The following BACH2 variants were observed in gnomAD, a reference collection of about 807,000 sequenced individuals.
The protein encoded by BACH2 is BACH transcriptional regulator 2.
BACH2 carries 5 observed loss-of-function variants against 61.8 expected under a neutral mutation model. The observed-to-expected ratio is 0.08, with a 90% CI of 0.04 to 0.17. BACH2 has a LOEUF of 0.17. Among genes scored for constraint, BACH2 ranks in the 10% least tolerant of loss-of-function variants. The probability of loss-of-function intolerance (pLI) is 1.00; values close to 1 mark genes in which losing one functional copy is unlikely to be tolerated. For synonymous variants in BACH2, 446 were observed against 440.1 expected (o/e 1.01, Z -0.17); for missense variants, 824 against 1,091.1 (o/e 0.76, Z 3.45).
intron 4 of BACH2, among the ~76,000 whole-genome samples, chr6:90,153,820 G>A (rs1371936078): frequency 6.6e-6 from 1 of 152,130 alleles, no homozygotes; most frequent in East Asian, 1.9e-4. Context: ...CCTAACCAGT[G>A]GGGTACATTT....
chr6:90,291,477 G>T, intron 1 of BACH2, among the ~76,000 whole-genome samples: 1 of 145,496 alleles, frequency 6.9e-6, no homozygotes, highest in African/African-American at 2.5e-5. Context: ...TTAAGTTTCA[G>T]TTTTAGATAG....
chr6:90,206,307 C>A (rs1275612500), intron 4 of BACH2, among the ~76,000 whole-genome samples: 1 of 152,112 alleles, frequency 6.6e-6, no homozygotes, highest in Non-Finnish European at 1.5e-5. Context: ...AATATTCATG[C>A]CAAGGCAGTT....
In BACH2 at chr6:90,147,548, C is replaced by G. The variant is rs140029381; in HGVS notation, c.-161-58439G>C. On this transcript the variant is annotated intron_variant, in intron 4 of 8. Transcript: ENST00000257749. ...CAGTAGTTTCATTGTCTAGAAGGAG[C>G]AAGGCCAACCCACCTAGTCTTCTTC... Among the ~76,000 whole-genome samples, 7 of 152,272 alleles carry G rather than the reference C, an allele frequency of 4.6e-5. No homozygotes were observed. In the East Asian group the frequency reaches 1.4e-3, roughly 29 times the overall value.
At chr6:90,052,096 T>C (rs1780073638) in intron 5 of BACH2, among the ~76,000 whole-genome samples, 1 of 152,208 alleles carries the variant, frequency 6.6e-6, no homozygotes, top group South Asian at 2.1e-4. Context: ...AGACTTGTTT[T>C]AGGGGCATAG....
At chr6:90,278,126 T>C (rs1771750992) in intron 1 of BACH2, among the ~76,000 whole-genome samples, 1 of 152,212 alleles carries the variant, frequency 6.6e-6, no homozygotes. Context: ...TCAAGATACA[T>C]AATATTATAG....
intron 4 of BACH2, among the ~76,000 whole-genome samples, chr6:90,099,339 C>T (rs1321125569): frequency 6.6e-6 from 1 of 152,200 alleles, no homozygotes; most frequent in Non-Finnish European, 1.5e-5. Flanking sequence ...GGCTCAGTTT[C>T]CTGATGTGAA....
At chr6:90,014,468 ATTTT>A (rs1164045089) in intron 5 of BACH2, among the ~76,000 whole-genome samples, 92 of 32,228 alleles carry the variant, frequency 2.9e-3, no homozygotes, top group African/African-American at 0.017. Flanking sequence ...ATATATATAT[ATTTT>A]TTTTTTTTTT....
At chr6:90,128,090 C>T (rs1409910811) in intron 4 of BACH2, among the ~76,000 whole-genome samples, 4 of 152,162 alleles carry the variant, frequency 2.6e-5, no homozygotes, top group Admixed American at 2.6e-4. Context: ...GCTCTTCTGG[C>T]TTTGCCCCTT....
chr6:90,267,106 T>C (rs905838180), intron 2 of BACH2, among the ~76,000 whole-genome samples: 2 of 151,652 alleles, frequency 1.3e-5, no homozygotes, highest in African/African-American at 4.8e-5. Context: ...AACTAAGACA[T>C]CTCCCCCCCA....
chr6:90,209,577 C>T (rs1769272378), intron 3 of BACH2, among the ~76,000 whole-genome samples: 1 of 152,190 alleles, frequency 6.6e-6, no homozygotes, highest in Admixed American at 6.5e-5. Flanking sequence ...AGAGATGCCT[C>T]ATGTCACAAT....
At position 89,932,720 on chromosome 6, in the gene BACH2, C is replaced by T; in HGVS notation, c.2214G>A (p.Leu738=). The T allele has an allele frequency of 6.2e-7, 1 of 1,614,146 alleles. No individual in the cohort carries two copies. The highest frequency in any genetic ancestry group is 8.5e-7 in the Non-Finnish European group (1 of 1,180,022). The change falls in exon 9 of 9, where the codon TTG becomes TTA. Residue 738 remains leucine, a synonymous_variant. Coordinates refer to ENST00000257749, the MANE Select transcript of BACH2 (RefSeq NM_021813.4). ...RYCPVLRPMD[L]PTASSINPAP... is the part of the protein sequence containing the mutation. Reference sequence around the variant, plus strand: ...CAGGGTTAATACTGGAGGCCGTGGGCAAGTCCATGGGTCTGAGGACAGGGC... The same window carrying T: ...CAGGGTTAATACTGGAGGCCGTGGGTAAGTCCATGGGTCTGAGGACAGGGC...
chr6:90,001,735 C>T (rs754947072), intron 6 of BACH2, among the ~76,000 whole-genome samples: 1 of 152,170 alleles, frequency 6.6e-6, no homozygotes, highest in African/African-American at 2.4e-5. Context: ...CCTCACCTCA[C>T]ATTTCATCAG....
intron 2 of BACH2, among the ~76,000 whole-genome samples, chr6:90,266,054 G>A (rs774212553): frequency 6.6e-6 from 1 of 152,140 alleles, no homozygotes; most frequent in Non-Finnish European, 1.5e-5. Context: ...CAGGTACTAT[G>A]TGGGCACAAT....
At chr6:90,114,852 A>G (rs1783325370) in intron 4 of BACH2, among the ~76,000 whole-genome samples, 1 of 152,124 alleles carries the variant, frequency 6.6e-6, no homozygotes, top group Non-Finnish European at 1.5e-5. Context: ...AAAAATCACT[A>G]GCATTCCTAT....
chr6:90,230,366 T>C (rs1020702186), intron 3 of BACH2, among the ~76,000 whole-genome samples: 2 of 152,348 alleles, frequency 1.3e-5, no homozygotes, highest in Middle Eastern at 3.4e-3. Flanking sequence ...ATCATACCTA[T>C]ACATGTGTAC....
rs1174249669 is a variant in BACH2 at position 90,165,065 on chromosome 6, G to A, written c.-162+41504C>T. Among the ~76,000 whole-genome samples, 6 of 152,310 alleles carry A rather than the reference G, an allele frequency of 3.9e-5. No homozygotes were observed. In the East Asian group the frequency reaches 9.7e-4, roughly 25 times the overall value. On this transcript the variant is annotated intron_variant, in intron 4 of 8. Transcript: ENST00000257749. ...CATAGTGTTGGAAGTTCTGGCCAGG[G>A]CAATTAGGCAGGAGAAGGAAATAAA...
At chr6:90,130,221 G>T (rs1411892908) in intron 4 of BACH2, among the ~76,000 whole-genome samples, 1 of 152,198 alleles carries the variant, frequency 6.6e-6, no homozygotes, top group East Asian at 1.9e-4. Flanking sequence ...ATTCCTGCTG[G>T]TGTGATGAGA....
chr6:90,081,838 T>G (rs1781738630), intron 5 of BACH2, among the ~76,000 whole-genome samples: 1 of 152,312 alleles, frequency 6.6e-6, no homozygotes, highest in Non-Finnish European at 1.5e-5. Flanking sequence ...AATTTTACCT[T>G]GGTTTTCTTT....
intron 5 of BACH2, among the ~76,000 whole-genome samples, chr6:90,076,408 T>A (rs1353911627): frequency 6.6e-6 from 1 of 152,324 alleles, no homozygotes; most frequent in East Asian, 1.9e-4. Flanking sequence ...CTAATACTTA[T>A]TCCCTTATGG....
Sources: gnomAD v4.1 joint callset for allele counts (sites outside exome capture counted in the v4.1 genomes callset) on GRCh38, gnomAD v4.1.1 for gene constraint, MANE v1.5 for transcripts, NCBI Gene and HGNC (gene_info 2026-07-23, HGNC 2026-07-21) for gene names.